RALYL: variants seen among roughly 807,000 people sequenced by gnomAD.
RALYL encodes RALY RNA binding protein like.
A neutral mutation model predicts 35.1 loss-of-function variants in RALYL; 29 were observed. That is an observed-to-expected ratio of 0.83 (90% confidence interval 0.61 to 1.13). RALYL has a LOEUF of 1.13. RALYL is among the 50% of genes most tolerant of loss of function. The pLI is 0.00. For missense variants in RALYL, 359 were observed against 360.4 expected, an observed-to-expected ratio of 1.00 and a Z score of 0.03; for synonymous variants, 120 against 127.6, an observed-to-expected ratio of 0.94 and a Z score of 0.40.
intron 2 of RALYL, among the ~76,000 whole-genome samples, chr8:84,566,443 T>A (rs1252215): frequency 0.21 from 31,536 of 151,372 alleles, 3,387 homozygotes; most frequent in Non-Finnish European, 0.23. Context: ...AAGCCAAGGA[T>A]TTTTTCTTCT....
At chr8:84,225,505 G>A (rs1222715870) in intron 1 of RALYL, among the ~76,000 whole-genome samples, 1 of 151,986 alleles carries the variant, frequency 6.6e-6, no homozygotes. Flanking sequence ...GTTTCCTCTT[G>A]ATGATTACAT....
chr8:84,787,578 A>T (rs1819840517), intron 3 of RALYL, among the ~76,000 whole-genome samples: 1 of 152,184 alleles, frequency 6.6e-6, no homozygotes, highest in South Asian at 2.1e-4. Context: ...CTGGTTCTAG[A>T]TCCTTGAGGA....
intron 1 of RALYL, among the ~76,000 whole-genome samples, chr8:84,391,782 C>T (rs1236882281): frequency 2.6e-5 from 4 of 152,010 alleles, no homozygotes; most frequent in Non-Finnish European, 5.9e-5. Context: ...CATTCTGAGA[C>T]TTCAGTAAAT....
At chr8:84,184,704 G>C (rs1404423926) in intron 1 of RALYL, among the ~76,000 whole-genome samples, 1 of 151,968 alleles carries the variant, frequency 6.6e-6, no homozygotes, top group Non-Finnish European at 1.5e-5. Flanking sequence ...GGCGGGGCGG[G>C]TGGCGTCTGC....
At chr8:84,363,622 G>C (rs1045385327) in intron 1 of RALYL, among the ~76,000 whole-genome samples, 1 of 152,142 alleles carries the variant, frequency 6.6e-6, no homozygotes, top group Admixed American at 6.5e-5. Flanking sequence ...TCTTATAAGG[G>C]AGCATTGGCC....
At chr8:84,772,610 T>G (rs28392784) in intron 2 of RALYL, among the ~76,000 whole-genome samples, 5,162 of 152,140 alleles carry the variant, frequency 0.034, 284 homozygotes, top group African/African-American at 0.12. Context: ...ATAATATACT[T>G]TAGACTGTAT....
intron 3 of RALYL, among the ~76,000 whole-genome samples, chr8:84,774,909 C>A (rs112035551): frequency 1.4e-4 from 21 of 152,158 alleles, no homozygotes; most frequent in African/African-American, 5.1e-4. Context: ...ATGACTCTAC[C>A]TGACAAGTAG....
At chr8:84,612,151 T>G (rs2130892272) in intron 2 of RALYL, among the ~76,000 whole-genome samples, 1 of 152,190 alleles carries the variant, frequency 6.6e-6, no homozygotes, top group South Asian at 2.1e-4. Context: ...TTTGGGATTT[T>G]GGGGGTTTGT....
intron 1 of RALYL, among the ~76,000 whole-genome samples, chr8:84,504,371 A>G (rs2056981930): frequency 6.6e-6 from 1 of 152,116 alleles, no homozygotes; most frequent in South Asian, 2.1e-4. Flanking sequence ...ATTTTCGTGG[A>G]ACTGTGAAAT....
chr8:84,434,056 T>G (rs1309264862), intron 1 of RALYL, among the ~76,000 whole-genome samples: 1 of 151,934 alleles, frequency 6.6e-6, no homozygotes, highest in Non-Finnish European at 1.5e-5. Flanking sequence ...ACAACAAAAA[T>G]GCATTGCCTC....
chr8:84,622,862 G>A (rs957846925), intron 2 of RALYL, among the ~76,000 whole-genome samples: 2 of 152,124 alleles, frequency 1.3e-5, no homozygotes, highest in East Asian at 1.9e-4. Flanking sequence ...ACACCAAGTC[G>A]TTGTTATCTA....
In RALYL at chr8:84,921,385, A is replaced by G. The variant is rs538739258; in HGVS notation, c.*474A>G. ...ATAATTTATTTATAATTTATAGTTT[A>G]AAGTACTTCAGATCATAATGATAAA... On this transcript the variant is annotated 3_prime_UTR_variant, in exon 9 of 9. Coordinates refer to ENST00000521268, the MANE Select transcript of RALYL (RefSeq NM_173848.7). The G allele has an allele frequency of 2.6e-5, 4 of 152,306 alleles. No individual in the cohort carries two copies. The South Asian group carries it at 8.3e-4, about 32-fold the overall frequency. 9.4% of individuals were successfully genotyped at this position (152,306 alleles called of 1,614,324 possible). A position where few individuals can be genotyped will look rare whatever the true frequency, so the allele number is the denominator to read the frequency against.
intron 1 of RALYL, among the ~76,000 whole-genome samples, chr8:84,194,514 A>G (rs1204706225): frequency 6.6e-6 from 1 of 152,194 alleles, no homozygotes; most frequent in Non-Finnish European, 1.5e-5. Flanking sequence ...AACCCTTTGT[A>G]AGGAAGTCTC....
chr8:84,679,939 G>A (rs1835040139), intron 2 of RALYL: 2 of 274,626 alleles, frequency 7.3e-6, no homozygotes, highest in South Asian at 7.7e-5. Flanking sequence ...CCATGTTGGT[G>A]TGCTGCACCC....
Position 84,619,828 on chromosome 8 carries a change from T to G in RALYL, c.256+90251T>G, listed in dbSNP as rs1410512025. Among the ~76,000 whole-genome samples the G allele has an allele frequency of 3.1e-4, 47 of 151,806 alleles. 1 individual carries two copies. Among genetic ancestry groups the G allele is most frequent in the African/African-American group, 1.1e-3 (45 of 41,200 alleles). Reference sequence around the variant, plus strand: ...TCTCAGCATTTGCTTGTCTGTAAAGTATTCTATTTCTCCTTCACTTATGAA... The same window carrying G: ...TCTCAGCATTTGCTTGTCTGTAAAGGATTCTATTTCTCCTTCACTTATGAA... On this transcript the variant is annotated intron_variant, in intron 2 of 8. Coordinates refer to ENST00000521268, the MANE Select transcript of RALYL (RefSeq NM_173848.7).
At chr8:84,267,710 T>C (rs1197859793) in intron 1 of RALYL, among the ~76,000 whole-genome samples, 1 of 152,150 alleles carries the variant, frequency 6.6e-6, no homozygotes, top group Non-Finnish European at 1.5e-5. Context: ...AAACAAACTG[T>C]TTATTAGTTG....
chr8:84,451,006 A>G (rs926574228), intron 1 of RALYL, among the ~76,000 whole-genome samples: 9 of 152,108 alleles, frequency 5.9e-5, no homozygotes, highest in African/African-American at 2.2e-4. Context: ...TGCATTCCCA[A>G]CCAATTTGGT....
At chr8:84,261,330 T>G (rs532978130) in intron 1 of RALYL, among the ~76,000 whole-genome samples, 237 of 152,292 alleles carry the variant, frequency 1.6e-3, no homozygotes, top group African/African-American at 5.5e-3. Context: ...CCACGTGTGG[T>G]GGAAGGGACC....
chr8:84,265,985 A>G (rs537440309), intron 1 of RALYL, among the ~76,000 whole-genome samples: 1 of 152,128 alleles, frequency 6.6e-6, no homozygotes, highest in African/African-American at 2.4e-5. Flanking sequence ...TTTTAAATAA[A>G]TTTTTTAAAA....
Sources: allele counts gnomAD v4.1 joint callset (sites outside exome capture counted in the v4.1 genomes callset), GRCh38; gene constraint gnomAD v4.1.1; transcripts MANE v1.5; gene names NCBI Gene and HGNC (gene_info 2026-07-23, HGNC 2026-07-21).